Variants in CTSB observed in about 807,000 individuals in gnomAD.
The protein encoded by CTSB is APP secretase.
A neutral mutation model predicts 44.3 loss-of-function variants in CTSB; 57 were observed. The ratio of observed to expected loss-of-function variants is 1.29; its 90% CI spans 1.04 to 1.60. The LOEUF (loss-of-function observed/expected upper bound fraction) is 1.60. Among genes scored for constraint, CTSB ranks in the 40% most tolerant of loss-of-function variants. CTSB has a pLI of 0.00. For synonymous variants in CTSB, 320 were observed against 168.0 expected (o/e 1.91, Z -7.00); for missense variants, 768 against 443.0 (o/e 1.73, Z -6.59).
intron 1 of CTSB, among the ~76,000 whole-genome samples, chr8:11,863,817 A>G (rs567965703): frequency 2.0e-5 from 3 of 152,338 alleles, no homozygotes; most frequent in South Asian, 4.1e-4. Context: ...AACTCTGCAC[A>G]CTGCTGGGCG....
At chr8:11,862,663 C>T (rs1052806584) in intron 1 of CTSB, among the ~76,000 whole-genome samples, 2 of 152,350 alleles carry the variant, frequency 1.3e-5, no homozygotes, top group East Asian at 3.9e-4. Context: ...GCTTCCAACC[C>T]TCGAATGGGA....
At chr8:11,854,489 G>A (rs1371927938) in intron 1 of CTSB, among the ~76,000 whole-genome samples, 3 of 149,490 alleles carry the variant, frequency 2.0e-5, no homozygotes, top group Non-Finnish European at 3.0e-5. Context: ...CTGGAAAAAA[G>A]CTTTTTTTTT....
At chr8:11,850,610 TCAG>T (rs1814410044) in intron 4 of CTSB, 1 of 335,694 alleles carries the variant, frequency 3.0e-6, no homozygotes, top group South Asian at 6.2e-5. Flanking sequence ...GGCCAGCATG[TCAG>T]GGAAAGGGAG....
chr8:11,853,613 CTGAGG>C, intron 1 of CTSB, 134 bp from the exon 2 acceptor site: 1 of 855,362 alleles, frequency 1.2e-6, no homozygotes, highest in South Asian at 2.0e-5. Context: ...TCTTAAGGAG[CTGAGG>C]TGTCTATGGG....
intron 1 of CTSB, among the ~76,000 whole-genome samples, chr8:11,862,126 G>C (rs1222965817): frequency 1.2e-4 from 18 of 148,932 alleles, no homozygotes; most frequent in African/African-American, 3.5e-4. Context: ...AGAATGGCGT[G>C]AACCCGGGAG....
At chr8:11,862,156 G>A (rs185751582) in intron 1 of CTSB, among the ~76,000 whole-genome samples, 2,831 of 150,068 alleles carry the variant, frequency 0.019, 43 homozygotes, top group Middle Eastern at 0.051. Flanking sequence ...GCAGTGAGCC[G>A]AGATCACGCC....
At chr8:11,859,915 A>G (rs1816141157) in intron 1 of CTSB, among the ~76,000 whole-genome samples, 1 of 151,828 alleles carries the variant, frequency 6.6e-6, no homozygotes, top group Non-Finnish European at 1.5e-5. Flanking sequence ...TCTACTAAAA[A>G]TACAAAACTC....
At chr8:11,854,667 G>A (rs966866725) in intron 1 of CTSB, 2 of 152,178 alleles carry the variant, frequency 1.3e-5, no homozygotes, top group African/African-American at 4.8e-5. Flanking sequence ...TTTTAGTAGA[G>A]ATGGGGTTTT....
In CTSB at chr8:11,842,993, G is replaced by C. The variant is rs962097099; in HGVS notation, c.*2132C>G. ...AGACGGAGCCTTGCGCTGTCACCGA[G>C]GCTGGAGTGCACTGGCACTGTCTTG... On this transcript the variant is annotated 3_prime_UTR_variant, in exon 10 of 10. Transcript: ENST00000353047. 1 of 138,830 alleles carries C rather than the reference G, an allele frequency of 7.2e-6. No individual in the cohort carries two copies. The highest frequency in any genetic ancestry group is 2.8e-5 in the African/African-American group (1 of 36,070). The allele number at this position is 138,830 out of a possible 1,614,324, so 8.6% of individuals were successfully genotyped here. A position where few individuals can be genotyped will look rare whatever the true frequency, so the allele number is the denominator to read the frequency against.
Position 11,844,861 on chromosome 8 carries a change from G to T in CTSB, c.*264C>A. The T allele has an allele frequency of 2.3e-6, 1 of 442,878 alleles. No individual in the cohort carries two copies. The highest frequency in any genetic ancestry group is 4.1e-6 in the Non-Finnish European group (1 of 244,698). 27.4% of individuals were successfully genotyped at this position (442,878 alleles called of 1,614,324 possible). On this transcript the variant is annotated 3_prime_UTR_variant, in exon 10 of 10. Transcript: ENST00000353047. ...TCACGGAGGGGGCCACAGTCAGCTG[G>T]GGCAGCAGGTACTCCCTACGGCACT...
intron 2 of CTSB, 21 bp from the exon 3 acceptor site, chr8:11,852,716 G>A: frequency 6.2e-7 from 1 of 1,610,054 alleles, no homozygotes; most frequent in Non-Finnish European, 8.5e-7. Context: ...GTCACCCACT[G>A]ACTGAAGGGT....
intron 1 of CTSB, among the ~76,000 whole-genome samples, chr8:11,857,653 G>A (rs1454009288): frequency 6.6e-6 from 1 of 152,120 alleles, no homozygotes; most frequent in Non-Finnish European, 1.5e-5. Context: ...GCCATTCCCT[G>A]GAGTCCCACA....
At chr8:11,845,606 C>A in intron 9 of CTSB, 55 bp downstream of exon 9, 1 of 1,586,674 alleles carries the variant, frequency 6.3e-7, no homozygotes, top group Non-Finnish European at 8.6e-7. Context: ...CCGAGATGGC[C>A]ACGGGGTGTG....
At chr8:11,850,667 C>A (rs1402301408) in intron 4 of CTSB, 199 bp downstream of exon 4, 1 of 465,190 alleles carries the variant, frequency 2.1e-6, no homozygotes, top group Non-Finnish European at 3.9e-6. Flanking sequence ...CTGCTGGATG[C>A]TCTGCCCGCC....
chr8:11,853,547 C>T, intron 1 of CTSB, 68 bp from the exon 2 acceptor site: 1 of 1,490,922 alleles, frequency 6.7e-7, no homozygotes, highest in Non-Finnish European at 9.0e-7. Flanking sequence ...CACACAGGGG[C>T]ACCGTCTCGG....
Position 11,843,338 on chromosome 8 carries a change from T to A in CTSB, c.*1787A>T, listed in dbSNP as rs1812607335. 1 of 152,274 alleles carries A rather than the reference T, an allele frequency of 6.6e-6. No homozygotes were observed. Among genetic ancestry groups the A allele is most frequent in the South Asian group, 2.1e-4 (1 of 4,822 alleles). 9.4% of individuals were successfully genotyped at this position (152,274 alleles called of 1,614,324 possible). A position where few individuals can be genotyped will look rare whatever the true frequency, so the allele number is the denominator to read the frequency against. ...AGAGCTTATTTGATCTAGCATCTGG[T>A]TCCTAAATTCTGAGTCACATCAGAA... On this transcript the variant is annotated 3_prime_UTR_variant, in exon 10 of 10. Transcript: ENST00000353047.
chr8:11,856,790 A>C (rs1415292827), intron 1 of CTSB, among the ~76,000 whole-genome samples: 1 of 152,058 alleles, frequency 6.6e-6, no homozygotes, highest in Non-Finnish European at 1.5e-5. Flanking sequence ...AATGCCAAGG[A>C]AGATGCACGG....
rs867301616 is a variant in CTSB at position 11,859,452 on chromosome 8, C to T, written c.-25-5973G>A. On this transcript the variant is annotated intron_variant, in intron 1 of 9. Transcript: ENST00000353047. The stretch of plus-strand genomic sequence containing the variant: ...CCTTAAAGAATCAGTTTTGGGCTGC[C>T]ACCAAGCTCAATAAAGAAGGCTTTC... 9.9e-5 allele frequency among the ~76,000 whole-genome samples: 15 copies of T among 152,098 alleles called. No individual in the cohort carries two copies. The South Asian group carries it at 2.7e-3, about 27-fold the overall frequency.
intron 3 of CTSB, among the ~76,000 whole-genome samples, chr8:11,851,909 C>T (rs371937815): frequency 9.9e-5 from 15 of 151,192 alleles, no homozygotes; most frequent in Admixed American, 3.9e-4. Flanking sequence ...TCAGGTGATC[C>T]GCTTGCCTTG....
Sources: gnomAD v4.1 joint callset for allele counts (sites outside exome capture counted in the v4.1 genomes callset) on GRCh38, gnomAD v4.1.1 for gene constraint, MANE v1.5 for transcripts, NCBI Gene and HGNC (gene_info 2026-07-23, HGNC 2026-07-21) for gene names.